Variants in FHOD3 observed in about 807,000 individuals in gnomAD.
FHOD3 encodes formin homology 2 domain containing 3, also known as FH1/FH2 domain-containing protein 3.
FHOD3 carries 90 observed loss-of-function variants against 173.0 expected under a neutral mutation model. The observed-to-expected ratio is 0.52, with a 90% CI of 0.44 to 0.62. The LOEUF (loss-of-function observed/expected upper bound fraction) is 0.62, where lower values mean the gene tolerates loss of function less well. Ranked by LOEUF, FHOD3 falls within the 20% of genes least tolerant of loss-of-function variation. The pLI is 0.00. For missense variants in FHOD3, 1,945 were observed against 2,034.7 expected (o/e 0.96, Z 0.85); for synonymous variants, 828 against 823.0 (o/e 1.01, Z -0.10).
intron 17 of FHOD3, among the ~76,000 whole-genome samples, chr18:36,698,909 A>G (rs1472707694): frequency 6.6e-6 from 1 of 152,180 alleles, no homozygotes; most frequent in African/African-American, 2.4e-5. Context: ...TGGGGAAAGG[A>G]ACCCTGAGCC....
At chr18:36,329,176 A>C (rs28463850) in intron 1 of FHOD3, among the ~76,000 whole-genome samples, 174 of 152,312 alleles carry the variant, frequency 1.1e-3, no homozygotes, top group African/African-American at 4.1e-3. Flanking sequence ...CAGAGCTACC[A>C]GGGAACCCTG....
intron 3 of FHOD3, among the ~76,000 whole-genome samples, chr18:36,384,738 G>T (rs1468391036): frequency 6.6e-6 from 1 of 152,192 alleles, no homozygotes; most frequent in African/African-American, 2.4e-5. Flanking sequence ...ACCTGCCTCT[G>T]TGTGTCCACG....
chr18:36,460,131 T>A (rs904135221), intron 3 of FHOD3, among the ~76,000 whole-genome samples: 3 of 152,218 alleles, frequency 2.0e-5, no homozygotes, highest in Non-Finnish European at 4.4e-5. Context: ...ACTGTCAGCA[T>A]GACTTACGAC....
intron 13 of FHOD3, among the ~76,000 whole-genome samples, chr18:36,656,153 C>A (rs1568559584): frequency 6.6e-6 from 1 of 152,166 alleles, no homozygotes; most frequent in Non-Finnish European, 1.5e-5. Context: ...CATTGCAGTG[C>A]TTGCTGCCTG....
intron 5 of FHOD3, among the ~76,000 whole-genome samples, chr18:36,546,989 G>A (rs1599600187): frequency 6.6e-6 from 1 of 152,304 alleles, no homozygotes. Flanking sequence ...TCAGACTAGA[G>A]CATCAATTCA....
intron 9 of FHOD3, among the ~76,000 whole-genome samples, chr18:36,619,643 A>G (rs2033538459): frequency 6.6e-6 from 1 of 152,206 alleles, no homozygotes; most frequent in Admixed American, 6.5e-5. Flanking sequence ...AACTTCATTG[A>G]GCACCTGCTA....
In FHOD3 at chr18:36,597,341, C is replaced by A. The variant is rs181830989; in HGVS notation, c.718+2443C>A. Among the ~76,000 whole-genome samples, 9 of 152,250 alleles carry A rather than the reference C, an allele frequency of 5.9e-5. No homozygotes were observed. In the East Asian group the frequency reaches 1.7e-3, roughly 29 times the overall value. ...TCCATCAAGATAAAACAATGGCCAT[C>A]TTTTCCTGATTAGTAAAAATAATAA... On this transcript the variant is annotated intron_variant, in intron 7 of 28. Transcript: ENST00000590592.
At chr18:36,379,555 A>G (rs1007395030) in intron 3 of FHOD3, among the ~76,000 whole-genome samples, 8 of 152,204 alleles carry the variant, frequency 5.3e-5, no homozygotes, top group African/African-American at 1.9e-4. Flanking sequence ...AAATCTGGCA[A>G]ACAAAACTGA....
intron 2 of FHOD3, among the ~76,000 whole-genome samples, chr18:36,360,985 C>T (rs2046579825): frequency 6.6e-6 from 1 of 152,080 alleles, no homozygotes; most frequent in African/African-American, 2.4e-5. Context: ...CAAACCGAAA[C>T]AAGAAACCAA....
At chr18:36,618,204 C>T (rs570279374) in intron 9 of FHOD3, among the ~76,000 whole-genome samples, 1 of 148,804 alleles carries the variant, frequency 6.7e-6, no homozygotes, top group African/African-American at 2.5e-5. Flanking sequence ...TTCAGTTTAC[C>T]TTGTTATTTT....
chr18:36,423,408 A>C (rs1020892859), intron 3 of FHOD3, among the ~76,000 whole-genome samples: 1 of 152,316 alleles, frequency 6.6e-6, no homozygotes. Flanking sequence ...TCATCTCAGC[A>C]TATTGTTTCA....
chr18:36,419,149 G>T (rs2049847974), intron 3 of FHOD3, among the ~76,000 whole-genome samples: 1 of 151,876 alleles, frequency 6.6e-6, no homozygotes, highest in Non-Finnish European at 1.5e-5. Flanking sequence ...CAAGGAAAAT[G>T]TTGTGAAATA....
intron 3 of FHOD3, among the ~76,000 whole-genome samples, chr18:36,491,914 T>G (rs145447413): frequency 1.6e-3 from 251 of 152,360 alleles, no homozygotes; most frequent in African/African-American, 5.8e-3. Context: ...CTTTGAAGTT[T>G]TAGCCATTAT....
At chr18:36,566,314 A>G (rs1326568908) in intron 5 of FHOD3, among the ~76,000 whole-genome samples, 1 of 152,190 alleles carries the variant, frequency 6.6e-6, no homozygotes, top group East Asian at 1.9e-4. Flanking sequence ...AAAATTTTAA[A>G]CATTTTTAAA....
At chr18:36,626,033 C>T (rs2034082325) in intron 10 of FHOD3, among the ~76,000 whole-genome samples, 1 of 152,130 alleles carries the variant, frequency 6.6e-6, no homozygotes, top group South Asian at 2.1e-4. Context: ...AATATCTGTT[C>T]AGAAAAGCTG....
rs57041859 is a variant in FHOD3 at position 36,716,914 on chromosome 18, A to ATGTGTGTGTGTGTG, written c.2534-892_2534-879dup. Among the ~76,000 whole-genome samples, 594 of 136,892 alleles carry ATGTGTGTGTGTGTG rather than the reference A, an allele frequency of 4.3e-3. 5 individuals carry two copies. The highest frequency in any genetic ancestry group is 0.015 in the African/African-American group (560 of 37,092). 89.8% of individuals were successfully genotyped at this position (136,892 alleles called of 152,430 possible). On this transcript the variant is annotated intron_variant, in intron 18 of 28. Coordinates refer to ENST00000590592, the MANE Select transcript of FHOD3 (RefSeq NM_001281740.3). ...AAGACGGGGGAAATTATATATGTGTATGTGTGTGTGTGTGTGTGTGTGTGT... is the reference window on the plus strand; with the variant it reads ...AAGACGGGGGAAATTATATATGTGTATGTGTGTGTGTGTGTGTGTGTGTGTGTGTGTGTGTGTGT...
chr18:36,380,113 C>A (rs1414218784), intron 3 of FHOD3, among the ~76,000 whole-genome samples: 1 of 151,966 alleles, frequency 6.6e-6, no homozygotes, highest in Non-Finnish European at 1.5e-5. Flanking sequence ...GAAACTGCTA[C>A]CAGTTCAAGA....
At chr18:36,772,561 A>G (rs2043432765) in intron 28 of FHOD3, among the ~76,000 whole-genome samples, 2 of 152,384 alleles carry the variant, frequency 1.3e-5, no homozygotes, top group East Asian at 1.9e-4. Context: ...TATGGCCTGC[A>G]AGGCAAGCCA....
chr18:36,347,793 G>A (rs1213837655), intron 1 of FHOD3, among the ~76,000 whole-genome samples: 1 of 152,174 alleles, frequency 6.6e-6, no homozygotes, highest in Admixed American at 6.5e-5. Flanking sequence ...TTGATTTCAT[G>A]TAGTCTTTCT....
Sources: gnomAD v4.1 joint callset for allele counts (sites outside exome capture counted in the v4.1 genomes callset) on GRCh38, gnomAD v4.1.1 for gene constraint, MANE v1.5 for transcripts, NCBI Gene and HGNC (gene_info 2026-07-23, HGNC 2026-07-21) for gene names.